The following STK11IP variants were observed in gnomAD, a reference collection of about 807,000 sequenced individuals.
The protein encoded by STK11IP is serine/threonine kinase 11 interacting protein.
Under a neutral mutation model 131.7 loss-of-function variants are expected in STK11IP, and 103 were observed. That is an observed-to-expected ratio of 0.78 (90% confidence interval 0.67 to 0.92). The LOEUF (loss-of-function observed/expected upper bound fraction) is 0.92, where lower values mean the gene tolerates loss of function less well. STK11IP is among the 40% of genes least tolerant of loss of function. STK11IP has a pLI of 0.00. For synonymous variants in STK11IP, 557 were observed against 575.6 expected (o/e 0.97, Z 0.46); for missense variants, 1,315 against 1,385.7 (o/e 0.95, Z 0.81).
At position 219,605,634 on chromosome 2, in the gene STK11IP, C is replaced by T; in HGVS notation, c.645C>T (p.Asp215=). The T allele has an allele frequency of 6.4e-7, 1 of 1,552,586 alleles. No individual in the cohort carries two copies. Among genetic ancestry groups the T allele is most frequent in the Non-Finnish European group, 8.7e-7 (1 of 1,147,476 alleles). Residue 215 remains aspartate (D), a synonymous_variant, in exon 8 of 25, where the codon GAC becomes GAT. Coordinates refer to ENST00000456909, the MANE Select transcript of STK11IP (RefSeq NM_052902.4). ...ATTTGTGTGAGCTCCACCATCTGGA[C>T]ATCTCCTATAATCGCCTGCATTTGG... is the stretch of plus-strand genomic sequence containing the variant. ...LMDLCELHHL[D]ISYNRLHLVP...
chr2:219,606,077 C>T lies in STK11IP; in HGVS notation c.849+18C>T, dbSNP rs1359356770. ...TCCGCAAGGTGAGATGGGAATGCAT[C>T]AGGGGCCTGGGAACCACCCTTGCAC... On this transcript the variant is annotated intron_variant, in intron 9 of 24. Transcript: ENST00000456909. 6.3e-7 allele frequency: 1 copy of T among 1,580,728 alleles called. No homozygotes were observed. Among genetic ancestry groups the T allele is most frequent in the Non-Finnish European group, 8.6e-7 (1 of 1,162,196 alleles).
chr2:219,607,645 A>C (rs565278569), intron 13 of STK11IP, among the ~76,000 whole-genome samples: 326 of 152,164 alleles, frequency 2.1e-3, no homozygotes, highest in Non-Finnish European at 4.0e-3. Context: ...GTGACAGAGT[A>C]AGACCTTATC....
At chr2:219,610,216 G>A (rs1458539886) in intron 17 of STK11IP, 1 of 154,244 alleles carries the variant, frequency 6.5e-6, no homozygotes, top group Non-Finnish European at 1.4e-5. Context: ...AGAAAATGGA[G>A]CCCTGCTCCA....
chr2:219,607,313 T>G (rs987452345), intron 13 of STK11IP, among the ~76,000 whole-genome samples, 176 bp downstream of exon 13: 2 of 152,186 alleles, frequency 1.3e-5, no homozygotes, highest in Non-Finnish European at 2.9e-5. Flanking sequence ...AGACTGCTTC[T>G]GGGAGCATTT....
At chr2:219,615,903 T>C (rs545378855) in intron 24 of STK11IP, 141 bp from the exon 25 acceptor site, 11 of 1,093,442 alleles carry the variant, frequency 1.0e-5, no homozygotes, top group Non-Finnish European at 1.5e-5. Flanking sequence ...CAGGATCTTT[T>C]ATGGGGAGTG....
chr2:219,606,853 G>A lies in STK11IP; in HGVS notation c.1129G>A (p.Val377Ile), dbSNP rs780852567. Residue 377 changes from valine (V) to isoleucine (I), a missense_variant, in exon 12 of 25, where the codon GTT (valine) becomes ATT (isoleucine). By Grantham distance (29) the Val-to-Ile change is conservative. Transcript: ENST00000456909. The part of the protein sequence containing the change: ...GVVTQPLLHK[V>I]KSRVRVRRAS... Reference sequence around the variant, plus strand: ...TGTGACCCAGCCCCTGCTTCATAAGGTTAAGGTAAGCAGCGTCCTCCGCTG... The same window carrying A: ...TGTGACCCAGCCCCTGCTTCATAAGATTAAGGTAAGCAGCGTCCTCCGCTG... The A allele has an allele frequency of 1.9e-6, 3 of 1,610,522 alleles. No homozygotes were observed. Among genetic ancestry groups the A allele is most frequent in the Middle Eastern group, 1.7e-4 (1 of 6,036 alleles).
At position 219,608,694 on chromosome 2, in the gene STK11IP, A is replaced by C; in HGVS notation, c.1715A>C (p.Gln572Pro). The C allele has an allele frequency of 3.7e-6, 6 of 1,613,588 alleles. No homozygotes were observed. Among genetic ancestry groups the C allele is most frequent in the Non-Finnish European group, 4.2e-6 (5 of 1,179,836 alleles). The change falls in exon 15 of 25, where the codon CAA (glutamine) becomes CCA (proline). Residue 572 changes from glutamine to proline, a missense_variant. Gln to Pro is a moderately conservative substitution (Grantham distance 76). Transcript: ENST00000456909. The part of the protein sequence containing the change: ...TSAHLFEVEL[Q>P]AARTLERLEL... ...GCCCACCTGTTTGAGGTGGAACTCC[A>C]AGCAGCTCGCACCTTGGAGCGACTG... is the stretch of plus-strand genomic sequence containing the variant.
rs777580602 is a variant in STK11IP, at chr2:219,614,163, G to A, written c.2719G>A (p.Val907Ile). ...CRAFLEELLD[V>I]LQSLPPAWRN... ...TTCCCTGGCCTGCCTCTGTCTAGAT[G>A]TCTTGCAGTCTCTGCCCCCTGCCTG... The change falls in exon 22 of 25, where the codon GTC becomes ATC. Residue 907 changes from valine (V) to isoleucine (I), a missense_variant and splice_region_variant. Physicochemically the swap from Val to Ile is conservative, Grantham distance 29 (BLOSUM62 3). Coordinates refer to ENST00000456909, the MANE Select transcript of STK11IP (RefSeq NM_052902.4). The A allele has an allele frequency of 1.2e-6, 2 of 1,613,494 alleles. No individual in the cohort carries two copies. Among genetic ancestry groups the A allele is most frequent in the Admixed American group, 1.7e-5 (1 of 59,992 alleles).
intron 7 of STK11IP, among the ~76,000 whole-genome samples, chr2:219,603,151 C>T (rs915464408): frequency 1.3e-5 from 2 of 150,290 alleles, no homozygotes; most frequent in African/African-American, 4.9e-5. Context: ...AAGCAATTCT[C>T]CTGCTTCAGC....
chr2:219,612,147 C>A, intron 19 of STK11IP, 89 bp downstream of exon 19: 1 of 1,203,568 alleles, frequency 8.3e-7, no homozygotes, highest in South Asian at 1.3e-5. Flanking sequence ...ATCAAGCACT[C>A]TAGAGACCTG....
intron 23 of STK11IP, 176 bp from the exon 24 acceptor site, chr2:219,614,918 A>G (rs765195384): frequency 2.7e-5 from 20 of 740,046 alleles, no homozygotes; most frequent in Non-Finnish European, 4.3e-5. Flanking sequence ...GGTATTCCAG[A>G]GTAGAGATTC....
rs1301094609 is a variant in STK11IP, at chr2:219,602,794, G to T, written c.618+18G>T. 2 of 1,604,954 alleles carry T rather than the reference G, an allele frequency of 1.2e-6. No homozygotes were observed. The highest frequency in any genetic ancestry group is 1.7e-6 in the Non-Finnish European group (2 of 1,174,568). On this transcript the variant is annotated intron_variant, in intron 7 of 24. Transcript: ENST00000456909. ...TCCTGATGGTGAGTATGGGCAGTTT[G>T]GCAGCTGGCACACCATGGGTCTTTG...
Position 219,616,026 on chromosome 2 carries a change from A to C in STK11IP, c.3118-18A>C. 5 of 1,612,146 alleles carry C rather than the reference A, an allele frequency of 3.1e-6. No individual in the cohort carries two copies. Among genetic ancestry groups the C allele is most frequent in the Non-Finnish European group, 4.2e-6 (5 of 1,178,838 alleles). On this transcript the variant is annotated intron_variant, in intron 24 of 24. Coordinates refer to ENST00000456909, the MANE Select transcript of STK11IP (RefSeq NM_052902.4). ...TGGTCCCCATGAGCCTCGCCTTGCTAACTGCTCGGTCTGCCAGGTGTCCCG... is the reference window on the plus strand; with the variant it reads ...TGGTCCCCATGAGCCTCGCCTTGCTCACTGCTCGGTCTGCCAGGTGTCCCG...
At position 219,609,012 on chromosome 2, in the gene STK11IP, G is replaced by A; in HGVS notation, c.1810-85G>A. 3.4e-6 allele frequency: 4 copies of A among 1,168,624 alleles called. No individual in the cohort carries two copies. In the South Asian group the frequency reaches 5.6e-5, roughly 16 times the overall value. 72.4% of individuals were successfully genotyped at this position (1,168,624 alleles called of 1,614,324 possible). ...GCCTTTGACAGGCTTCAGAGGTCCT[G>A]CCATCCTCCATGCTCTCAGCATCCC... is the stretch of plus-strand genomic sequence containing the variant. On this transcript the variant is annotated intron_variant, in intron 15 of 24. Transcript: ENST00000456909.
intron 23 of STK11IP, 54 bp downstream of exon 23, chr2:219,614,600 C>G: frequency 6.4e-7 from 1 of 1,570,080 alleles, no homozygotes; most frequent in Non-Finnish European, 8.8e-7. Context: ...TACCTTGTCA[C>G]AGGCACTGGC....
Position 219,601,628 on chromosome 2 carries a change from T to TC in STK11IP, c.268-13_268-12insC. On this transcript the variant is annotated splice_polypyrimidine_tract_variant and intron_variant, in intron 3 of 24. Coordinates refer to ENST00000456909, the MANE Select transcript of STK11IP (RefSeq NM_052902.4). ...CTGTGCCTCAGTAAATTGAGTTTTT[T>TC]TTTTTTTTTCAGCTGGTCCATGTTG... 6.4e-7 allele frequency: 1 copy of TC among 1,563,752 alleles called. No homozygotes were observed. Among genetic ancestry groups the TC allele is most frequent in the Non-Finnish European group, 8.7e-7 (1 of 1,154,050 alleles).
In STK11IP at chr2:219,605,678, C is replaced by T. The variant is rs1698125867; in HGVS notation, c.689C>T (p.Ser230Leu). ...CATTTGGTGCCAAGAATGGGACCCT[C>T]AGGGGCTGCTCTGGGGGTCCTGATA... ...RLHLVPRMGPSGAALGVLILR... is the reference protein window; with the variant it reads ...RLHLVPRMGPLGAALGVLILR... The change falls in exon 8 of 25, where the codon TCA (serine) becomes TTA (leucine). Residue 230 changes from serine (S) to leucine (L), a missense_variant. Transcript: ENST00000456909. 1 of 1,569,508 alleles carries T rather than the reference C, an allele frequency of 6.4e-7. No individual in the cohort carries two copies. The highest frequency in any genetic ancestry group is 8.6e-7 in the Non-Finnish European group (1 of 1,157,114).
Position 219,608,113 on chromosome 2 carries a change from A to G in STK11IP, c.1286A>G (p.Asn429Ser). Residue 429 changes from asparagine (N) to serine (S), a missense_variant, in exon 14 of 25, where the codon AAC becomes AGC. Asn to Ser is a conservative substitution (Grantham distance 46). Transcript: ENST00000456909. ...MSSFRERFGRNWLQYRSHLEP... is the reference protein window; with the variant it reads ...MSSFRERFGRSWLQYRSHLEP... ...AGCTTCCGGGAACGGTTCGGCCGCA[A>G]CTGGCTGCAGTACAGGAGTCACCTG... 1.2e-6 allele frequency: 2 copies of G among 1,613,276 alleles called. No homozygotes were observed. The highest frequency in any genetic ancestry group is 8.5e-7 in the Non-Finnish European group (1 of 1,179,890).
rs1440589207 is a variant in STK11IP, at chr2:219,609,559, A to G, written c.2104+19A>G. 5 of 1,552,728 alleles carry G rather than the reference A, an allele frequency of 3.2e-6. No individual in the cohort carries two copies. The Admixed American group carries it at 7.8e-5, about 24-fold the overall frequency. ...AAGACAGGTACAAGTCCTGCCCTTG[A>G]CCTCTCTGCCCACACGCCTCCCCTG... On this transcript the variant is annotated intron_variant, in intron 17 of 24. Transcript: ENST00000456909.
Sources: gnomAD v4.1 joint callset for allele counts (sites outside exome capture counted in the v4.1 genomes callset) on GRCh38, gnomAD v4.1.1 for gene constraint, MANE v1.5 for transcripts, NCBI Gene and HGNC (gene_info 2026-07-23, HGNC 2026-07-21) for gene names.